The following WWOX variants were observed in gnomAD, a reference collection of about 807,000 sequenced individuals.
The protein encoded by WWOX is WW domain-containing oxidoreductase.
Under a neutral mutation model 46.2 loss-of-function variants are expected in WWOX, and 69 were observed. The observed-to-expected ratio is 1.49, with a 90% CI of 1.23 to 1.82. WWOX has a LOEUF of 1.82. Among genes scored for constraint, WWOX ranks in the 40% most tolerant of loss-of-function variants. WWOX has a pLI of 0.00. For synonymous variants in WWOX, 359 were observed against 202.6 expected (o/e 1.77, Z -6.56); for missense variants, 919 against 542.6 (o/e 1.69, Z -6.89).
chr16:78,577,723 A>T (rs977124767), intron 8 of WWOX, among the ~76,000 whole-genome samples: 1 of 152,008 alleles, frequency 6.6e-6, no homozygotes, highest in African/African-American at 2.4e-5. Flanking sequence ...GTGTGTTGAC[A>T]CTCTATTTGA....
intron 8 of WWOX, among the ~76,000 whole-genome samples, chr16:78,976,342 C>T (rs767916635): frequency 1.3e-5 from 2 of 152,192 alleles, no homozygotes; most frequent in African/African-American, 2.4e-5. Flanking sequence ...GCTGCTTTTG[C>T]TCATGGTACC....
chr16:78,455,864 G>A (rs2083805485), intron 8 of WWOX, among the ~76,000 whole-genome samples: 1 of 151,168 alleles, frequency 6.6e-6, no homozygotes, highest in African/African-American at 2.4e-5. Context: ...GTGATGATGA[G>A]ATTTAAAAAA....
At chr16:78,569,700 C>G (rs551097331) in intron 8 of WWOX, among the ~76,000 whole-genome samples, 1 of 152,262 alleles carries the variant, frequency 6.6e-6, no homozygotes, top group Admixed American at 6.5e-5. Flanking sequence ...TTAGCACTTC[C>G]TGCAATAACG....
At chr16:78,480,033 G>A (rs1477895451) in intron 8 of WWOX, among the ~76,000 whole-genome samples, 1 of 152,172 alleles carries the variant, frequency 6.6e-6, no homozygotes. Context: ...ATACCTTCTC[G>A]AAGGCAACTA....
intron 8 of WWOX, among the ~76,000 whole-genome samples, chr16:78,492,010 C>A (rs1008728302): frequency 7.2e-6 from 1 of 139,782 alleles, no homozygotes; most frequent in Non-Finnish European, 1.6e-5. Context: ...GTGACACTTG[C>A]CATTCTCAAT....
chr16:78,587,253 C>G (rs1184362938), intron 8 of WWOX, among the ~76,000 whole-genome samples: 2 of 129,222 alleles, frequency 1.5e-5, no homozygotes, highest in African/African-American at 2.9e-5. Context: ...CCAGGCTTGT[C>G]TTGTACTGGG....
chr16:78,243,450 C>T (rs556582488), intron 5 of WWOX, among the ~76,000 whole-genome samples: 1 of 152,182 alleles, frequency 6.6e-6, no homozygotes, highest in East Asian at 1.9e-4. Flanking sequence ...TATACAGATT[C>T]TTTTGTCACC....
chr16:78,646,688 G>T (rs144532242), intron 8 of WWOX, among the ~76,000 whole-genome samples: 2 of 152,126 alleles, frequency 1.3e-5, no homozygotes, highest in Non-Finnish European at 2.9e-5. Context: ...TGGGCCTCCC[G>T]TAGTGATAGG....
chr16:78,378,131 T>A (rs7189441), intron 5 of WWOX, among the ~76,000 whole-genome samples: 24 of 151,428 alleles, frequency 1.6e-4, no homozygotes, highest in African/African-American at 5.1e-4. Flanking sequence ...GCCCCCTGCC[T>A]AAAAAAAAGG....
chr16:78,233,904 G>T (rs186003271), intron 5 of WWOX, among the ~76,000 whole-genome samples: 138 of 152,264 alleles, frequency 9.1e-4, no homozygotes, highest in Non-Finnish European at 1.6e-3. Context: ...TCTTCTTGAG[G>T]ATCAGGGCTG....
At chr16:78,105,036 C>T (rs1289077552) in intron 1 of WWOX, among the ~76,000 whole-genome samples, 1 of 152,194 alleles carries the variant, frequency 6.6e-6, no homozygotes, top group African/African-American at 2.4e-5. Context: ...CGGATTCTTC[C>T]CCAGGGATGG....
At chr16:78,447,099 G>C (rs1449280422) in intron 8 of WWOX, among the ~76,000 whole-genome samples, 2 of 152,140 alleles carry the variant, frequency 1.3e-5, no homozygotes, top group African/African-American at 4.8e-5. Context: ...TTTTAGAAAG[G>C]TTTGAGTTAT....
intron 8 of WWOX, among the ~76,000 whole-genome samples, chr16:78,722,276 G>A (rs531790801): frequency 2.6e-5 from 4 of 152,234 alleles, no homozygotes; most frequent in Admixed American, 1.3e-4. Flanking sequence ...TAGCTCTGGC[G>A]CTTACCAGTT....
intron 8 of WWOX, among the ~76,000 whole-genome samples, chr16:78,684,458 C>T (rs1206743758): frequency 1.3e-5 from 2 of 152,180 alleles, no homozygotes; most frequent in African/African-American, 4.8e-5. Context: ...CGTGTTGAGT[C>T]AGATCAAGTC....
At chr16:78,368,873 G>A (rs12935392) in intron 5 of WWOX, among the ~76,000 whole-genome samples, 76,542 of 152,018 alleles carry the variant, frequency 0.5, 20,965 homozygotes, top group Non-Finnish European at 0.62. Context: ...GGCTGCACGT[G>A]TGCACTGACA....
chr16:79,087,037 C>A (rs990485386), intron 8 of WWOX, among the ~76,000 whole-genome samples: 6 of 152,236 alleles, frequency 3.9e-5, no homozygotes, highest in Admixed American at 3.9e-4. Context: ...TCCCCATCTG[C>A]TCCTGATGGA....
chr16:78,833,712 A>T (rs1431936281), intron 8 of WWOX, among the ~76,000 whole-genome samples: 3 of 152,216 alleles, frequency 2.0e-5, no homozygotes, highest in African/African-American at 7.2e-5. Flanking sequence ...GAATGCTGTT[A>T]CCTCAGCATC....
At chr16:78,451,223 G>C (rs2083684138) in intron 8 of WWOX, among the ~76,000 whole-genome samples, 1 of 152,158 alleles carries the variant, frequency 6.6e-6, no homozygotes, top group African/African-American at 2.4e-5. Context: ...TCCTGACCAG[G>C]GATGGGTCCT....
intron 8 of WWOX, among the ~76,000 whole-genome samples, chr16:78,722,128 C>T (rs140319703): frequency 1.6e-4 from 24 of 152,252 alleles, no homozygotes; most frequent in African/African-American, 5.8e-4. Context: ...ATTCCAGTCC[C>T]AAAGGAGACC....
Sources: gnomAD v4.1 joint callset for allele counts (sites outside exome capture counted in the v4.1 genomes callset) on GRCh38, gnomAD v4.1.1 for gene constraint, MANE v1.5 for transcripts, NCBI Gene and HGNC (gene_info 2026-07-23, HGNC 2026-07-21) for gene names.